CDK14: variants seen among roughly 807,000 people sequenced by gnomAD.
CDK14 encodes cyclin dependent kinase 14.
CDK14 carries 34 observed loss-of-function variants against 60.7 expected under a neutral mutation model. The observed-to-expected ratio is 0.56, with a 90% CI of 0.43 to 0.75. The LOEUF is 0.75. CDK14 is among the 30% of genes least tolerant of loss of function. CDK14 has a pLI of 0.00. For missense variants in CDK14, 482 were observed against 564.1 expected, an observed-to-expected ratio of 0.85 and a Z score of 1.47; for synonymous variants, 197 against 203.7, an observed-to-expected ratio of 0.97 and a Z score of 0.28.
At chr7:90,904,499 A>T (rs1792628472) in intron 7 of CDK14, among the ~76,000 whole-genome samples, 1 of 152,146 alleles carries the variant, frequency 6.6e-6, no homozygotes, top group Non-Finnish European at 1.5e-5. Flanking sequence ...AAAATATAAC[A>T]AATTAAAAAC....
At chr7:90,887,174 T>C (rs1791972069) in intron 6 of CDK14, among the ~76,000 whole-genome samples, 1 of 152,206 alleles carries the variant, frequency 6.6e-6, no homozygotes, top group South Asian at 2.1e-4. Flanking sequence ...CTTAACAGTA[T>C]ATTTTACTAC....
At chr7:91,039,967 A>G (rs1797043208) in intron 10 of CDK14, among the ~76,000 whole-genome samples, 1 of 152,116 alleles carries the variant, frequency 6.6e-6, no homozygotes, top group Non-Finnish European at 1.5e-5. Context: ...TGTGCCTGTC[A>G]TCCCAGCTAC....
chr7:90,678,203 A>G (rs2116552721), intron 2 of CDK14, among the ~76,000 whole-genome samples: 1 of 152,314 alleles, frequency 6.6e-6, no homozygotes, highest in South Asian at 2.1e-4. Flanking sequence ...AAATGAAGCC[A>G]CAGCGTTGGA....
At chr7:91,156,261 A>G (rs1162046300) in intron 14 of CDK14, among the ~76,000 whole-genome samples, 2 of 152,192 alleles carry the variant, frequency 1.3e-5, no homozygotes, top group Non-Finnish European at 2.9e-5. Context: ...CCTGACTTTG[A>G]ATTAAATCAT....
At chr7:91,101,302 A>G (rs1799140766) in intron 12 of CDK14, among the ~76,000 whole-genome samples, 2 of 152,294 alleles carry the variant, frequency 1.3e-5, no homozygotes, top group South Asian at 4.1e-4. Context: ...CCATTTTGTA[A>G]GCATGACCCT....
chr7:90,680,914 A>G (rs1801301486), intron 2 of CDK14, among the ~76,000 whole-genome samples: 1 of 152,248 alleles, frequency 6.6e-6, no homozygotes, highest in Non-Finnish European at 1.5e-5. Flanking sequence ...ACGTGGATGT[A>G]CTTTAGAACA....
chr7:90,763,603 A>G (rs1804416010), intron 4 of CDK14, among the ~76,000 whole-genome samples: 1 of 149,924 alleles, frequency 6.7e-6, no homozygotes, highest in African/African-American at 2.5e-5. Flanking sequence ...ATTAGATTTT[A>G]GATCTCTCCT....
At chr7:90,953,113 C>G (rs1311472917) in intron 8 of CDK14, among the ~76,000 whole-genome samples, 4 of 151,384 alleles carry the variant, frequency 2.6e-5, no homozygotes, top group Non-Finnish European at 5.9e-5. Context: ...ATTTTCTTAT[C>G]CTATTAACCA....
chr7:90,930,529 C>CTTTTTTTT (rs61187542), intron 8 of CDK14, among the ~76,000 whole-genome samples: 1 of 81,384 alleles, frequency 1.2e-5, no homozygotes, highest in African/African-American at 5.8e-5. Flanking sequence ...ACAGGCTAAG[C>CTTTTTTTT]TTTTTTTTTT....
rs543264823 is a variant in CDK14 at position 90,874,215 on chromosome 7, T to C, written c.639+10946T>C. ...TTTCTAATAGCTTCCTGGGAAAGGGTGTGTGCGAGATTTTTGTTGTTGTTG... is the reference window on the plus strand; with the variant it reads ...TTTCTAATAGCTTCCTGGGAAAGGGCGTGTGCGAGATTTTTGTTGTTGTTG... On this transcript the variant is annotated intron_variant, in intron 6 of 14. Transcript: ENST00000380050. Among the ~76,000 whole-genome samples the C allele has an allele frequency of 2.6e-5, 4 of 152,146 alleles. No individual in the cohort carries two copies. The South Asian group carries it at 8.3e-4, about 32-fold the overall frequency.
intron 11 of CDK14, among the ~76,000 whole-genome samples, chr7:91,077,649 T>C (rs556230426): frequency 6.6e-6 from 1 of 151,856 alleles, no homozygotes; most frequent in Non-Finnish European, 1.5e-5. Flanking sequence ...TCCTGGAACG[T>C]AAAGTAAAGT....
At chr7:90,675,438 A>G (rs1235515226) in intron 2 of CDK14, among the ~76,000 whole-genome samples, 2 of 151,896 alleles carry the variant, frequency 1.3e-5, no homozygotes, top group African/African-American at 4.8e-5. Flanking sequence ...TAGATCATGT[A>G]GAGCTTTTTT....
At chr7:90,634,856 T>C (rs1300338256) in intron 2 of CDK14, among the ~76,000 whole-genome samples, 1 of 152,052 alleles carries the variant, frequency 6.6e-6, no homozygotes, top group East Asian at 1.9e-4. Context: ...CTCATTGTGG[T>C]TTTGATTTGC....
chr7:91,208,398 G>A lies in CDK14; in HGVS notation c.*1262G>A, dbSNP rs964683101. The stretch of plus-strand genomic sequence containing the variant: ...GTCTTTTGCTTTGATCTGGAGGGAG[G>A]GCTGCCTGATGCAGGCCGGCTCCCA... On this transcript the variant is annotated 3_prime_UTR_variant, in exon 15 of 15. Transcript: ENST00000380050. 1.8e-4 allele frequency: 27 copies of A among 152,612 alleles called. No homozygotes were observed. Among genetic ancestry groups the A allele is most frequent in the African/African-American group, 6.0e-4 (25 of 41,446 alleles). 9.5% of individuals were successfully genotyped at this position (152,612 alleles called of 1,614,324 possible).
chr7:90,827,763 C>T (rs147991241), intron 5 of CDK14, among the ~76,000 whole-genome samples: 2 of 152,282 alleles, frequency 1.3e-5, no homozygotes, highest in East Asian at 3.9e-4. Context: ...CCCAGAAACA[C>T]TTTTAAAATG....
At chr7:91,051,511 C>G (rs1562883464) in intron 11 of CDK14, among the ~76,000 whole-genome samples, 1 of 152,170 alleles carries the variant, frequency 6.6e-6, no homozygotes, top group African/African-American at 2.4e-5. Flanking sequence ...CTCCCTCACT[C>G]TCTCATTCCA....
chr7:91,069,664 A>G (rs761384377), intron 11 of CDK14, among the ~76,000 whole-genome samples: 2 of 152,230 alleles, frequency 1.3e-5, no homozygotes, highest in Non-Finnish European at 2.9e-5. Flanking sequence ...TTAAAAAACT[A>G]ATGTTACTGA....
chr7:90,940,823 A>G (rs1562837083), intron 8 of CDK14, among the ~76,000 whole-genome samples: 1 of 152,094 alleles, frequency 6.6e-6, no homozygotes, highest in Non-Finnish European at 1.5e-5. Context: ...ATCTGTATTT[A>G]TATCAATATA....
chr7:91,147,160 TCTCA>T (rs766366456), intron 14 of CDK14, among the ~76,000 whole-genome samples: 337 of 107,730 alleles, frequency 3.1e-3, no homozygotes, highest in South Asian at 8.2e-3. Context: ...TCTCTCTCTC[TCTCA>T]CACACACACA....
Sources: gnomAD v4.1 joint callset for allele counts (sites outside exome capture counted in the v4.1 genomes callset) on GRCh38, gnomAD v4.1.1 for gene constraint, MANE v1.5 for transcripts, NCBI Gene and HGNC (gene_info 2026-07-23, HGNC 2026-07-21) for gene names.